CYP2J2: variants seen among roughly 807,000 people sequenced by gnomAD.
The protein encoded by CYP2J2 is cytochrome P450 2J2.
Under a neutral mutation model 48.8 loss-of-function variants are expected in CYP2J2, and 41 were observed. The observed-to-expected ratio is 0.84, with a 90% CI of 0.66 to 1.09. CYP2J2 has a LOEUF of 1.09. CYP2J2 is among the 50% of genes least tolerant of loss of function. CYP2J2 has a pLI of 0.00. For missense variants in CYP2J2, 644 were observed against 617.3 expected (o/e 1.04, Z -0.46); for synonymous variants, 221 against 227.1 (o/e 0.97, Z 0.24).
chr1:59,915,982 T>A lies in CYP2J2; in HGVS notation c.329A>T (p.Asn110Ile), dbSNP rs776210959. 22 of 1,613,866 alleles carry A rather than the reference T, an allele frequency of 1.4e-5. No individual in the cohort carries two copies. In the Admixed American group the frequency reaches 3.7e-4, roughly 27 times the overall value. Residue 110 changes from asparagine to isoleucine, a missense_variant, in exon 2 of 9, where the codon AAC (asparagine) becomes ATC (isoleucine). Asn to Ile is a moderately radical substitution (Grantham distance 149). Coordinates refer to ENST00000371204, the MANE Select transcript of CYP2J2 (RefSeq NM_000775.4). ...TTCTCGCATAGGGGTCACGGGGCGG[T>A]TCCCAAAGTTTTGGTCCATGTGGAT... ...ALIHMDQNFG[N>I]RPVTPMREHI...
At chr1:59,946,159 T>C in the CYP2J2 span, among the ~76,000 whole-genome samples, 1 of 152,210 alleles carries the variant, frequency 6.6e-6, no homozygotes, top group Non-Finnish European at 1.5e-5. Flanking sequence ...TGAAAGGCTC[T>C]ATATGGCCTG....
intron 6 of CYP2J2, among the ~76,000 whole-genome samples, chr1:59,905,601 C>A (rs572724933): frequency 6.6e-6 from 1 of 152,120 alleles, no homozygotes; most frequent in East Asian, 1.9e-4. Flanking sequence ...GAAAGTGGGC[C>A]CTGAGGTAAG....
chr1:59,907,921 C>T lies in CYP2J2; in HGVS notation c.868G>A (p.Gly290Ser). 6.2e-7 allele frequency: 1 copy of T among 1,613,992 alleles called. No individual in the cohort carries two copies. Among genetic ancestry groups the T allele is most frequent in the Non-Finnish European group, 8.5e-7 (1 of 1,179,910 alleles). ...TCATGGAAACTTGAAGTAGGATTGC[C>T]TGTGTGCTAGAAAACACAATGTTTG... ...AYLKEMSKHT[G>S]NPTSSFHEEN... is the part of the protein sequence containing the mutation. Residue 290 changes from glycine (G) to serine (S), a missense_variant, in exon 6 of 9, where the codon GGC becomes AGC. Physicochemically the swap from Gly to Ser is moderately conservative, Grantham distance 56. Coordinates refer to ENST00000371204, the MANE Select transcript of CYP2J2 (RefSeq NM_000775.4).
chr1:59,958,174 C>T, the CYP2J2 span, among the ~76,000 whole-genome samples: 22 of 152,284 alleles, frequency 1.4e-4, no homozygotes, highest in Admixed American at 3.3e-4. Context: ...TGCTTTACTA[C>T]TCTGAACACT....
At chr1:59,922,915 G>T (rs1204851043) in intron 1 of CYP2J2, among the ~76,000 whole-genome samples, 2 of 152,194 alleles carry the variant, frequency 1.3e-5, no homozygotes, top group African/African-American at 4.8e-5. Flanking sequence ...ATAGTACCTT[G>T]TCTTTCAGCC....
At position 59,926,717 on chromosome 1, in the gene CYP2J2, A is replaced by G. The variant is rs1027600515; in HGVS notation, c.30T>C (p.Ala10=). 12 of 1,612,532 alleles carry G rather than the reference A, an allele frequency of 7.4e-6. No homozygotes were observed. The highest frequency in any genetic ancestry group is 1.0e-5 in the Non-Finnish European group (12 of 1,179,228). ...GAGGATGGACCACTGCCCAGAGGGC[A>G]GCCGCCAGAGAGCCCATCGCCGCGA... is the stretch of plus-strand genomic sequence containing the variant. MLAAMGSLA[A]ALWAVVHPRT... Residue 10 remains alanine, a synonymous_variant, in exon 1 of 9, where the codon GCT becomes GCC. Coordinates refer to ENST00000371204, the MANE Select transcript of CYP2J2 (RefSeq NM_000775.4).
chr1:59,935,281 G>A, the CYP2J2 span, among the ~76,000 whole-genome samples: 3 of 151,910 alleles, frequency 2.0e-5, no homozygotes, highest in East Asian at 5.8e-4. Flanking sequence ...GTTGGTTAAA[G>A]GGTACACACC....
chr1:59,949,325 TTGAG>T, the CYP2J2 span, among the ~76,000 whole-genome samples: 2 of 152,200 alleles, frequency 1.3e-5, no homozygotes, highest in African/African-American at 4.8e-5. Context: ...CTATTTGTCT[TTGAG>T]TTTTTCCAAA....
chr1:59,896,520 G>C (rs1393058288), intron 8 of CYP2J2, among the ~76,000 whole-genome samples: 1 of 151,534 alleles, frequency 6.6e-6, no homozygotes, highest in Admixed American at 6.6e-5. Context: ...TTTACTTATT[G>C]GATCAGTATC....
chr1:59,904,808 G>T, intron 7 of CYP2J2, 63 bp downstream of exon 7: 1 of 1,367,642 alleles, frequency 7.3e-7, no homozygotes, highest in Non-Finnish European at 1.0e-6. Flanking sequence ...AAGAATAAAT[G>T]TCACTTCTCA....
At chr1:59,901,820 G>T (rs1240641357) in intron 7 of CYP2J2, among the ~76,000 whole-genome samples, 1 of 152,070 alleles carries the variant, frequency 6.6e-6, no homozygotes, top group Non-Finnish European at 1.5e-5. Flanking sequence ...TCCTAACTGT[G>T]CCCCAAATCC....
chr1:59,969,044 C>T, the CYP2J2 span, among the ~76,000 whole-genome samples: 2 of 152,128 alleles, frequency 1.3e-5, no homozygotes, highest in African/African-American at 4.8e-5. Context: ...GTTGTTCGTT[C>T]CTCCTGGTGG....
the CYP2J2 span, among the ~76,000 whole-genome samples, chr1:59,944,633 GTC>G: frequency 2.0e-5 from 3 of 152,194 alleles, no homozygotes; most frequent in Non-Finnish European, 4.4e-5. Context: ...CTTGCCAAGA[GTC>G]TCTATTTCCT....
At chr1:59,908,132 G>C (rs1644381035) in intron 5 of CYP2J2, among the ~76,000 whole-genome samples, 2 of 152,134 alleles carry the variant, frequency 1.3e-5, no homozygotes, top group African/African-American at 4.8e-5. Flanking sequence ...GGACACCTTT[G>C]GATGGATGAA....
intron 8 of CYP2J2, among the ~76,000 whole-genome samples, chr1:59,900,210 G>A (rs892160238): frequency 1.3e-5 from 2 of 152,338 alleles, no homozygotes; most frequent in South Asian, 4.1e-4. Context: ...ACTGACTGAT[G>A]CCCATGTGGC....
chr1:59,935,110 A>G, the CYP2J2 span, among the ~76,000 whole-genome samples: 3 of 145,956 alleles, frequency 2.1e-5, no homozygotes, highest in African/African-American at 7.5e-5. Flanking sequence ...TTTCAACAAC[A>G]TGGACGAATG....
At chr1:59,931,915 GTGATCTT>G in the CYP2J2 span, among the ~76,000 whole-genome samples, 1 of 152,044 alleles carries the variant, frequency 6.6e-6, no homozygotes, top group Admixed American at 6.6e-5. Flanking sequence ...ATTTCTATTA[GTGATCTT>G]ACATCTTCTT....
At chr1:59,916,224 CGTGTGT>C (rs147421653) in intron 1 of CYP2J2, 124 bp from the exon 2 acceptor site, 33 of 601,888 alleles carry the variant, frequency 5.5e-5, no homozygotes, top group Non-Finnish European at 6.4e-5. Context: ...TGTGTGTGTA[CGTGTGT>C]GTGTGTGTGT....
At chr1:59,950,103 G>A in the CYP2J2 span, among the ~76,000 whole-genome samples, 6 of 152,034 alleles carry the variant, frequency 3.9e-5, no homozygotes, top group African/African-American at 1.2e-4. Context: ...TTGTCAACTC[G>A]GTATTATTAG....
Sources: gnomAD v4.1 joint callset for allele counts (sites outside exome capture counted in the v4.1 genomes callset) on GRCh38, gnomAD v4.1.1 for gene constraint, MANE v1.5 for transcripts, NCBI Gene and HGNC (gene_info 2026-07-23, HGNC 2026-07-21) for gene names.